CFAP95: variants seen among roughly 807,000 people sequenced by gnomAD.
CFAP95 encodes cilia- and flagella-associated protein 95.
chr9:69,861,751 A>AC, the CFAP95 span, among the ~76,000 whole-genome samples: 1 of 150,696 alleles, frequency 6.6e-6, no homozygotes, highest in African/African-American at 2.5e-5. Context: ...AAAAAAAAAA[A>AC]AACACAACAT....
the CFAP95 span, among the ~76,000 whole-genome samples, chr9:69,871,574 TAA>T: frequency 8.3e-5 from 11 of 131,938 alleles, no homozygotes; most frequent in Non-Finnish European, 1.2e-4. Context: ...TTAGATCTAG[TAA>T]AAAAAAAAAA....
the CFAP95 span, among the ~76,000 whole-genome samples, chr9:69,855,447 GA>G: frequency 6.6e-6 from 1 of 152,184 alleles, no homozygotes; most frequent in African/African-American, 2.4e-5. Flanking sequence ...TTTCTCAAAA[GA>G]TTTTTTTTGC....
the CFAP95 span, among the ~76,000 whole-genome samples, chr9:69,849,892 G>A: frequency 2.6e-5 from 4 of 152,286 alleles, no homozygotes; most frequent in East Asian, 7.7e-4. Context: ...CTAAACTATA[G>A]TCTTTTACCT....
chr9:69,865,420 C>T, the CFAP95 span, among the ~76,000 whole-genome samples: 1 of 152,108 alleles, frequency 6.6e-6, no homozygotes, highest in African/African-American at 2.4e-5. Context: ...TCTTGATTCT[C>T]CATCTTATTC....
the CFAP95 span, among the ~76,000 whole-genome samples, chr9:69,873,240 C>G: frequency 2.0e-5 from 3 of 152,154 alleles, no homozygotes; most frequent in Non-Finnish European, 4.4e-5. Context: ...TCACTCTTCT[C>G]TCCATGTTGC....
chr9:69,854,885 A>G, the CFAP95 span, among the ~76,000 whole-genome samples: 1 of 152,212 alleles, frequency 6.6e-6, no homozygotes, highest in Non-Finnish European at 1.5e-5. Context: ...GTAGGTTGAT[A>G]CAACTATCAG....
chr9:69,879,061 C>G, the CFAP95 span, among the ~76,000 whole-genome samples: 1 of 152,164 alleles, frequency 6.6e-6, no homozygotes, highest in East Asian at 1.9e-4. Flanking sequence ...ATGACCCAAA[C>G]ACCTCCCCCC....
At chr9:69,877,537 A>C in the CFAP95 span, among the ~76,000 whole-genome samples, 1 of 152,222 alleles carries the variant, frequency 6.6e-6, no homozygotes, top group African/African-American at 2.4e-5. Context: ...TAGGAAACAG[A>C]TATTTTGTTG....
the CFAP95 span, among the ~76,000 whole-genome samples, chr9:69,903,099 T>C: frequency 6.6e-6 from 1 of 152,218 alleles, no homozygotes; most frequent in Non-Finnish European, 1.5e-5. Context: ...AGGATTGATA[T>C]AGTAATGCTA....
chr9:69,865,047 G>A, the CFAP95 span, among the ~76,000 whole-genome samples: 1 of 152,092 alleles, frequency 6.6e-6, no homozygotes, highest in South Asian at 2.1e-4. Flanking sequence ...CAAAGACTGG[G>A]TGGAGATAAC....
the CFAP95 span, among the ~76,000 whole-genome samples, chr9:69,889,718 T>C: frequency 6.6e-6 from 1 of 152,130 alleles, no homozygotes; most frequent in South Asian, 2.1e-4. Context: ...GTATTGTTTT[T>C]TGGGGGATGG....
At chr9:69,895,142 C>T in the CFAP95 span, among the ~76,000 whole-genome samples, 8 of 152,066 alleles carry the variant, frequency 5.3e-5, no homozygotes, top group African/African-American at 1.9e-4. Flanking sequence ...TTAACATTTA[C>T]AATCAGTTAA....
the CFAP95 span, among the ~76,000 whole-genome samples, chr9:69,898,435 G>C: frequency 1.3e-5 from 2 of 152,224 alleles, no homozygotes; most frequent in African/African-American, 4.8e-5. Flanking sequence ...ATTGGGCAGG[G>C]GGTAATTTTA....
chr9:69,822,403 C>A, the CFAP95 span, among the ~76,000 whole-genome samples: 1 of 152,222 alleles, frequency 6.6e-6, no homozygotes, highest in Non-Finnish European at 1.5e-5. Flanking sequence ...CTTCTCAACC[C>A]TGAAACTGTC....
the CFAP95 span, among the ~76,000 whole-genome samples, chr9:69,865,925 G>T: frequency 9.9e-5 from 15 of 152,060 alleles, no homozygotes; most frequent in African/African-American, 1.4e-4. Flanking sequence ...CTATGAATTG[G>T]TTTCATCATT....
At chr9:69,866,077 T>G in the CFAP95 span, among the ~76,000 whole-genome samples, 1 of 152,304 alleles carries the variant, frequency 6.6e-6, no homozygotes, top group African/African-American at 2.4e-5. Context: ...TCTATGCTGC[T>G]TCTCTCAATA....
chr9:69,840,688 A>G, the CFAP95 span, among the ~76,000 whole-genome samples: 1 of 152,204 alleles, frequency 6.6e-6, no homozygotes, highest in Non-Finnish European at 1.5e-5. Context: ...TTGGGTCTAT[A>G]TATTTTACTA....
chr9:69,838,730 C>T, the CFAP95 span, among the ~76,000 whole-genome samples: 1 of 146,900 alleles, frequency 6.8e-6, no homozygotes, highest in East Asian at 2.0e-4. Context: ...TTATTTCCTT[C>T]TCCTGCCTAA....
At chr9:69,849,264 G>C in the CFAP95 span, among the ~76,000 whole-genome samples, 1 of 151,996 alleles carries the variant, frequency 6.6e-6, no homozygotes, top group Non-Finnish European at 1.5e-5. Flanking sequence ...AGAACATAGT[G>C]GATGCTCAAT....
Sources: gnomAD v4.1 joint callset for allele counts (sites outside exome capture counted in the v4.1 genomes callset) on GRCh38, gnomAD v4.1.1 for gene constraint, MANE v1.5 for transcripts, NCBI Gene and HGNC (gene_info 2026-07-23, HGNC 2026-07-21) for gene names.